Variants in DLC1 observed in about 807,000 individuals in gnomAD.
DLC1 encodes rho GTPase-activating protein 7.
In DLC1, 54 loss-of-function variants were observed where a neutral mutation model predicts 140.3. The observed-to-expected ratio is 0.38, with a 90% CI of 0.31 to 0.48. The LOEUF is 0.48. Among genes scored for constraint, DLC1 ranks in the 20% least tolerant of loss-of-function variants. DLC1 has a pLI of 0.96. For missense variants in DLC1, 2,536 were observed against 1,907.0 expected, an observed-to-expected ratio of 1.33 and a Z score of -6.14; for synonymous variants, 986 against 728.1, an observed-to-expected ratio of 1.35 and a Z score of -5.70.
intron 1 of DLC1, among the ~76,000 whole-genome samples, chr8:13,504,063 A>T (rs866148303): frequency 1.3e-5 from 2 of 152,074 alleles, no homozygotes; most frequent in African/African-American, 4.8e-5. Flanking sequence ...AATTGCTTGC[A>T]ACTCGAAAAC....
chr8:13,542,136 C>T (rs1803504629), intron 1 of DLC1, among the ~76,000 whole-genome samples: 1 of 152,090 alleles, frequency 6.6e-6, no homozygotes, highest in Non-Finnish European at 1.5e-5. Context: ...TAAATGTTTA[C>T]TTAATTCAAG....
At chr8:13,437,969 G>A (rs571812075) in intron 2 of DLC1, among the ~76,000 whole-genome samples, 1 of 150,660 alleles carries the variant, frequency 6.6e-6, no homozygotes, top group Admixed American at 6.6e-5. Context: ...AGGTTATAAG[G>A]GTCCCCAGGA....
At chr8:13,115,875 A>T (rs1563629716) in intron 5 of DLC1, among the ~76,000 whole-genome samples, 1 of 152,154 alleles carries the variant, frequency 6.6e-6, no homozygotes, top group African/African-American at 2.4e-5. Context: ...TTCCCTTTAC[A>T]AAAAATAGAA....
intron 4 of DLC1, among the ~76,000 whole-genome samples, chr8:13,382,728 C>A (rs940049299): frequency 6.6e-6 from 1 of 152,142 alleles, no homozygotes; most frequent in Non-Finnish European, 1.5e-5. Flanking sequence ...GCTAAGACCT[C>A]AGAAATACCT....
chr8:13,126,295 T>C (rs1821556701), intron 5 of DLC1, among the ~76,000 whole-genome samples: 1 of 151,890 alleles, frequency 6.6e-6, no homozygotes, highest in African/African-American at 2.4e-5. Context: ...CATCACATCT[T>C]TCTGTTTCAT....
At chr8:13,590,487 A>T (rs554463479) in intron 1 of DLC1, among the ~76,000 whole-genome samples, 1 of 152,046 alleles carries the variant, frequency 6.6e-6, no homozygotes, top group Admixed American at 6.6e-5. Flanking sequence ...GTGGATATCC[A>T]GTTCTGAGCA....
chr8:13,487,565 G>C (rs1801027593), intron 2 of DLC1, among the ~76,000 whole-genome samples: 2 of 151,596 alleles, frequency 1.3e-5, no homozygotes, highest in South Asian at 2.1e-4. Flanking sequence ...CTTAGAGTTA[G>C]AAAATGTTTT....
intron 2 of DLC1, among the ~76,000 whole-genome samples, chr8:13,432,961 T>C (rs1362576008): frequency 1.3e-4 from 19 of 149,532 alleles, no homozygotes; most frequent in Admixed American, 6.0e-4. Flanking sequence ...TTTTTTTTTT[T>C]TTTTCCTTTT....
At chr8:13,089,951 G>A (rs932325958) in intron 15 of DLC1, among the ~76,000 whole-genome samples, 4 of 152,194 alleles carry the variant, frequency 2.6e-5, no homozygotes, top group African/African-American at 9.7e-5. Context: ...AGGATGTTCC[G>A]CATCTCAATG....
At chr8:13,150,970 G>A (rs1199736141) in intron 5 of DLC1, among the ~76,000 whole-genome samples, 1 of 152,166 alleles carries the variant, frequency 6.6e-6, no homozygotes, top group African/African-American at 2.4e-5. Context: ...TGTAGTCAAG[G>A]CCCTCAGTGA....
chr8:13,392,650 T>A (rs1333173876), intron 4 of DLC1, among the ~76,000 whole-genome samples: 1 of 152,198 alleles, frequency 6.6e-6, no homozygotes, highest in Non-Finnish European at 1.5e-5. Context: ...TACTGGGATT[T>A]TAGATATTTG....
chr8:13,419,970 A>AT (rs764400671), intron 2 of DLC1, among the ~76,000 whole-genome samples: 8 of 152,024 alleles, frequency 5.3e-5, no homozygotes. Flanking sequence ...GAATTTATCC[A>AT]TTTCTTCTAG....
At chr8:13,347,483 G>T (rs1834402507) in intron 4 of DLC1, among the ~76,000 whole-genome samples, 1 of 152,162 alleles carries the variant, frequency 6.6e-6, no homozygotes, top group Non-Finnish European at 1.5e-5. Flanking sequence ...GAGAGGGGCA[G>T]GCTTGGGAAT....
At chr8:13,515,524 C>T (rs1172830192), upstream of DLC1, 1 of 152,196 alleles carries the variant, frequency 6.6e-6, no homozygotes, top group Non-Finnish European at 1.5e-5. Context: ...CCATCTTGAT[C>T]GTATTAGAGT....
chr8:13,294,643 G>C (rs1831878995), intron 5 of DLC1, among the ~76,000 whole-genome samples: 1 of 152,186 alleles, frequency 6.6e-6, no homozygotes, highest in Non-Finnish European at 1.5e-5. Context: ...GTGCGTGCTA[G>C]AAGAGGATGG....
At chr8:13,392,230 T>G (rs1473212004) in intron 4 of DLC1, among the ~76,000 whole-genome samples, 1 of 152,206 alleles carries the variant, frequency 6.6e-6, no homozygotes, top group East Asian at 1.9e-4. Flanking sequence ...GTTTCACTGT[T>G]TACATACTTA....
chr8:13,327,637 C>T (rs1237071820), intron 4 of DLC1, among the ~76,000 whole-genome samples: 13 of 151,836 alleles, frequency 8.6e-5, no homozygotes, highest in Admixed American at 8.5e-4. Context: ...TTTCTGTTTC[C>T]TATATCCACT....
chr8:13,092,673 C>A lies in DLC1; in HGVS notation c.3679G>T (p.Val1227Leu), dbSNP rs201136617. ...TGGAAGAGGGAAGGCGCTAAGCACACGGCCAGGTTGGTTGGGGTCATCTGG... is the reference window on the plus strand; with the variant it reads ...TGGAAGAGGGAAGGCGCTAAGCACAAGGCCAGGTTGGTTGGGGTCATCTGG... The part of the protein sequence containing the change: ...ENQMTPTNLA[V>L]CLAPSLFHLN... The change falls in exon 13 of 18, where the codon GTG (valine) becomes TTG (leucine). Residue 1227 changes from valine (V) to leucine (L), a missense_variant. Val to Leu is a conservative substitution (Grantham distance 32, BLOSUM62 1). Coordinates refer to ENST00000276297, the MANE Select transcript of DLC1 (RefSeq NM_182643.3). 7 of 1,614,178 alleles carry A rather than the reference C, an allele frequency of 4.3e-6. No homozygotes were observed. In the African/African-American group the frequency reaches 6.7e-5, roughly 15 times the overall value.
chr8:13,141,962 T>G (rs1166374316), intron 5 of DLC1, among the ~76,000 whole-genome samples: 2 of 152,182 alleles, frequency 1.3e-5, no homozygotes, highest in East Asian at 3.8e-4. Flanking sequence ...CCCCAGGTAT[T>G]TAGGGAGGCA....
Sources: allele counts gnomAD v4.1 joint callset (sites outside exome capture counted in the v4.1 genomes callset), GRCh38; gene constraint gnomAD v4.1.1; transcripts MANE v1.5; gene names NCBI Gene and HGNC (gene_info 2026-07-23, HGNC 2026-07-21).